Variants in SENP6 observed in about 807,000 individuals in gnomAD.
SENP6 encodes sentrin-specific protease 6.
In SENP6, 41 loss-of-function variants were observed where a neutral mutation model predicts 134.5. That is an observed-to-expected ratio of 0.30 (90% confidence interval 0.24 to 0.40). The LOEUF is 0.40. Ranked by LOEUF, SENP6 falls within the 10% of genes least tolerant of loss-of-function variation. The pLI, the probability that SENP6 is intolerant of heterozygous loss-of-function variation, is 1.00. For missense variants in SENP6, 1,248 were observed against 1,312.5 expected (o/e 0.95, Z 0.76); for synonymous variants, 395 against 429.8 (o/e 0.92, Z 1.00).
intron 3 of SENP6, 60 bp downstream of exon 3, chr6:75,624,020 A>G: frequency 7.5e-7 from 1 of 1,330,448 alleles, no homozygotes; most frequent in Admixed American, 2.0e-5. Flanking sequence ...TTGTTACCTC[A>G]AAAGATTTAA....
At chr6:75,634,884 AT>A (rs1465958325) in intron 5 of SENP6, 73 bp downstream of exon 5, 9 of 969,710 alleles carry the variant, frequency 9.3e-6, no homozygotes, top group South Asian at 2.8e-5. Context: ...TTTTTTAACC[AT>A]TTTTTTCCTT....
intron 5 of SENP6, among the ~76,000 whole-genome samples, chr6:75,640,305 A>G (rs982737967): frequency 6.6e-6 from 1 of 152,274 alleles, no homozygotes; most frequent in African/African-American, 2.4e-5. Context: ...GTTTTTACCA[A>G]TGCTTCATTT....
intron 19 of SENP6, among the ~76,000 whole-genome samples, chr6:75,706,967 C>T (rs924919960): frequency 6.6e-6 from 1 of 152,226 alleles, no homozygotes; most frequent in African/African-American, 2.4e-5. Flanking sequence ...CACTCAACAT[C>T]TTCACATGGT....
chr6:75,616,096 C>G (rs1767828839), intron 1 of SENP6, among the ~76,000 whole-genome samples: 1 of 152,088 alleles, frequency 6.6e-6, no homozygotes, highest in Non-Finnish European at 1.5e-5. Flanking sequence ...CTTCCTCTTT[C>G]CATTATTGTC....
At chr6:75,604,362 G>T (rs1226037009) in intron 1 of SENP6, among the ~76,000 whole-genome samples, 1 of 152,194 alleles carries the variant, frequency 6.6e-6, no homozygotes, top group African/African-American at 2.4e-5. Flanking sequence ...CACGGTGGCG[G>T]CACGCCCTTA....
intron 9 of SENP6, among the ~76,000 whole-genome samples, chr6:75,665,872 C>G (rs1288243129): frequency 6.6e-6 from 1 of 151,578 alleles, no homozygotes; most frequent in East Asian, 1.9e-4. Flanking sequence ...ACTAAAAATA[C>G]AAAAATTAGC....
intron 7 of SENP6, among the ~76,000 whole-genome samples, chr6:75,651,451 C>G (rs1463938633): frequency 6.6e-6 from 1 of 152,106 alleles, no homozygotes; most frequent in Non-Finnish European, 1.5e-5. Flanking sequence ...ACCTCCTAGT[C>G]TTACATCATT....
rs1771566578 is a variant in SENP6, at chr6:75,659,002, G to GAAA, written c.551-260_551-259insAAA. On this transcript the variant is annotated intron_variant, in intron 7 of 23. Transcript: ENST00000447266. ...AAAAAAAAAAAAAAAAAAAAAAAAG[G>GAAA]GGAATTGTGAGTATGTGAGTGGTTA... Among the ~76,000 whole-genome samples, 6 of 95,252 alleles carry GAAA rather than the reference G, an allele frequency of 6.3e-5. 1 individual carries two copies. Among genetic ancestry groups the GAAA allele is most frequent in the African/African-American group, 1.5e-4 (4 of 25,822 alleles). The allele number at this position is 95,252 out of a possible 152,430, so 62.5% of individuals were successfully genotyped here.
chr6:75,647,216 G>C (rs948270031), intron 6 of SENP6: 1 of 152,032 alleles, frequency 6.6e-6, no homozygotes, highest in African/African-American at 2.4e-5. Context: ...CCCAAATTTT[G>C]CTTTTTTCCC....
In SENP6 at chr6:75,703,092, G is replaced by A. The variant is rs1001209899; in HGVS notation, c.2716+20G>A. ...ATACAGGTATGTATCTAAATGTTTTGAAAGAATGAAAAAATTCAGAATAAT... is the reference window on the plus strand; with the variant it reads ...ATACAGGTATGTATCTAAATGTTTTAAAAGAATGAAAAAATTCAGAATAAT... On this transcript the variant is annotated intron_variant, in intron 19 of 23. Transcript: ENST00000447266. 3 of 1,508,892 alleles carry A rather than the reference G, an allele frequency of 2.0e-6. No homozygotes were observed. The African/African-American group carries it at 4.2e-5, about 21-fold the overall frequency. 93.5% of individuals were successfully genotyped at this position (1,508,892 alleles called of 1,614,324 possible).
At position 75,646,094 on chromosome 6, in the gene SENP6, A is replaced by G. The variant is rs571924306; in HGVS notation, c.480-1637A>G. On this transcript the variant is annotated intron_variant, in intron 6 of 23. Transcript: ENST00000447266. ...TATGTCAATTGTTTTTACTAAATCT[A>G]GGTAAACCTGGATTTGGAAATAAGA... Among the ~76,000 whole-genome samples, 5 of 152,348 alleles carry G rather than the reference A, an allele frequency of 3.3e-5. No individual in the cohort carries two copies. In the East Asian group the frequency reaches 7.7e-4, roughly 23 times the overall value.
At chr6:75,714,299 C>T (rs1361002094) in intron 23 of SENP6, among the ~76,000 whole-genome samples, 1 of 152,220 alleles carries the variant, frequency 6.6e-6, no homozygotes, top group East Asian at 1.9e-4. Flanking sequence ...TTCTTCCTCA[C>T]TCTCTTGCTT....
chr6:75,675,793 C>A, intron 12 of SENP6, 67 bp from the exon 13 acceptor site: 2 of 1,333,048 alleles, frequency 1.5e-6, no homozygotes, highest in Non-Finnish European at 2.1e-6. Context: ...TATTTCCTCA[C>A]AATTTCCCCC....
rs547849922 is a variant in SENP6, at chr6:75,690,853, A to G, written c.2076-4951A>G. ...TGGGACTACAGGCGCTCACCACCAC[A>G]CCTGGCTAATTGTTTTGTATTTTTA... is the stretch of plus-strand genomic sequence containing the variant. On this transcript the variant is annotated intron_variant, in intron 16 of 23. Transcript: ENST00000447266. Among the ~76,000 whole-genome samples, 13 of 150,778 alleles carry G rather than the reference A, an allele frequency of 8.6e-5. No homozygotes were observed. In the South Asian group the frequency reaches 2.1e-3, roughly 24 times the overall value.
intron 16 of SENP6, among the ~76,000 whole-genome samples, chr6:75,689,791 A>G (rs1464023640): frequency 6.6e-6 from 1 of 152,206 alleles, no homozygotes; most frequent in Non-Finnish European, 1.5e-5. Context: ...TGTATAGGAC[A>G]CTATGCCACC....
intron 16 of SENP6, among the ~76,000 whole-genome samples, chr6:75,687,807 T>C (rs1773953169): frequency 6.6e-6 from 1 of 152,198 alleles, no homozygotes; most frequent in Non-Finnish European, 1.5e-5. Flanking sequence ...GTGAGGTGTC[T>C]GTCGGCCCCT....
At chr6:75,676,092 G>T (rs1250360408) in intron 13 of SENP6, 38 bp downstream of exon 13, 4 of 1,372,016 alleles carry the variant, frequency 2.9e-6, no homozygotes, top group East Asian at 2.5e-5. Flanking sequence ...GATAATAATA[G>T]ATACTGTATT....
At chr6:75,665,983 G>A (rs763149666) in intron 9 of SENP6, among the ~76,000 whole-genome samples, 1 of 150,262 alleles carries the variant, frequency 6.7e-6, no homozygotes, top group African/African-American at 2.4e-5. Context: ...ACAAGATCGC[G>A]CACTGTACTC....
Position 75,624,233 on chromosome 6 carries a change from C to T in SENP6, c.207+273C>T, listed in dbSNP as rs138852642. ...TAACTTAATATATTATCTTGGAGAC[C>T]ATCTGTAAGAGTTCATAAAAAGCAC... On this transcript the variant is annotated intron_variant, in intron 3 of 23. Coordinates refer to ENST00000447266, the MANE Select transcript of SENP6 (RefSeq NM_015571.4). Among the ~76,000 whole-genome samples the T allele has an allele frequency of 8.0e-3, 1,222 of 152,114 alleles. 7 individuals carry two copies. The highest frequency in any genetic ancestry group is 0.014 in the Non-Finnish European group (982 of 67,990).
Sources: allele counts gnomAD v4.1 joint callset (sites outside exome capture counted in the v4.1 genomes callset), GRCh38; gene constraint gnomAD v4.1.1; transcripts MANE v1.5; gene names NCBI Gene and HGNC (gene_info 2026-07-23, HGNC 2026-07-21).